Variants in NLGN4Y observed in about 807,000 individuals in gnomAD.
NLGN4Y encodes neuroligin-4, Y-linked.
Under a neutral mutation model 8.4 loss-of-function variants are expected in NLGN4Y, and 4 were observed. The observed-to-expected ratio is 0.48, with a 90% CI of 0.23 to 1.09. The LOEUF (loss-of-function observed/expected upper bound fraction) is 1.09. Among genes scored for constraint, NLGN4Y ranks in the 50% least tolerant of loss-of-function variants. NLGN4Y has a pLI of 0.19. For synonymous variants in NLGN4Y, 35 were observed against 75.6 expected (o/e 0.46, Z 2.78); for missense variants, 90 against 192.3 (o/e 0.47, Z 3.15).
At chrY:14,662,635 G>T in intron 2 of NLGN4Y, among the ~76,000 whole-genome samples, 1 of 33,064 alleles carries the variant, frequency 3.0e-5, no homozygotes, top group South Asian at 7.0e-4. Context: ...CATTCATGAA[G>T]CTCCATAGTT....
chrY:14,735,238 T>C, intron 4 of NLGN4Y, among the ~76,000 whole-genome samples: 1 of 34,229 alleles, frequency 2.9e-5, no homozygotes, highest in Non-Finnish European at 7.3e-5. Flanking sequence ...GGTTTGGCTG[T>C]GTCGCTACTC....
At position 14,607,992 on chromosome Y, in the gene NLGN4Y, G is replaced by A. The variant is rs770600319; in HGVS notation, c.-111-14017G>A. Among the ~76,000 whole-genome samples, 62 of 33,880 alleles carry A rather than the reference G, an allele frequency of 1.8e-3. No individual in the cohort carries two copies. In the East Asian group the frequency reaches 0.042, roughly 23 times the overall value. The allele number at this position is 33,880 out of a possible 37,273, so 90.9% of individuals were successfully genotyped here. The stretch of plus-strand genomic sequence containing the variant: ...GACCAGTGATGATAAGCTTTTTTTC[G>A]TATGTTTGTTGACTGCACAAATGTC... On this transcript the variant is annotated intron_variant, in intron 1 of 6. Transcript: ENST00000684976.
intron 2 of NLGN4Y, among the ~76,000 whole-genome samples, chrY:14,653,264 G>A (rs1037050356): frequency 6.4e-5 from 2 of 31,307 alleles, no homozygotes; most frequent in Admixed American, 2.9e-4. Flanking sequence ...GTGTGTGTGT[G>A]TATATATATA....
At chrY:14,833,426 C>A in intron 6 of NLGN4Y, among the ~76,000 whole-genome samples, 3 of 33,718 alleles carry the variant, frequency 8.9e-5, no homozygotes, top group African/African-American at 3.5e-4. Flanking sequence ...GAAATCTTTA[C>A]AATTTATGTT....
intron 2 of NLGN4Y, among the ~76,000 whole-genome samples, chrY:14,669,314 A>G (rs2080702550): frequency 3.0e-5 from 1 of 33,544 alleles, no homozygotes; most frequent in Admixed American, 2.7e-4. Flanking sequence ...GACACAACGA[A>G]CATAACTGAA....
chrY:14,748,932 GAAAGAAA>G (rs2081033302), intron 4 of NLGN4Y, among the ~76,000 whole-genome samples: 1 of 6,545 alleles, frequency 1.5e-4, no homozygotes, highest in Non-Finnish European at 2.8e-4. Context: ...AAGAAAGAAA[GAAAGAAA>G]AAAAGAAAAA....
At chrY:14,621,607 T>C in intron 1 of NLGN4Y, among the ~76,000 whole-genome samples, 1 of 33,034 alleles carries the variant, frequency 3.0e-5, no homozygotes, top group Non-Finnish European at 7.4e-5. Flanking sequence ...GGAGGATCTC[T>C]TTAGGCCAGC....
chrY:14,691,904 T>A, intron 2 of NLGN4Y, among the ~76,000 whole-genome samples: 1 of 33,366 alleles, frequency 3.0e-5, no homozygotes, highest in Non-Finnish European at 7.5e-5. Flanking sequence ...ATTTATATAG[T>A]CTCTGAGTAA....
At chrY:14,596,370 G>C (rs2080397643) in intron 1 of NLGN4Y, among the ~76,000 whole-genome samples, 1 of 33,656 alleles carries the variant, frequency 3.0e-5, no homozygotes, top group Non-Finnish European at 7.3e-5. Context: ...CCAGAGGCAG[G>C]TAGCAATTTT....
At chrY:14,735,241 C>T in intron 4 of NLGN4Y, among the ~76,000 whole-genome samples, 2 of 34,030 alleles carry the variant, frequency 5.9e-5, no homozygotes, top group African/African-American at 1.1e-4. Context: ...TTGGCTGTGT[C>T]GCTACTCAGA....
intron 1 of NLGN4Y, among the ~76,000 whole-genome samples, chrY:14,534,768 C>CGTGTGT (rs112527610): frequency 5.2e-3 from 104 of 20,143 alleles, no homozygotes; most frequent in East Asian, 0.015. Flanking sequence ...TTTTATCTCT[C>CGTGTGT]GTGTGTGTGT....
chrY:14,727,814 T>C, intron 4 of NLGN4Y, among the ~76,000 whole-genome samples: 1 of 33,516 alleles, frequency 3.0e-5, no homozygotes, highest in Non-Finnish European at 7.4e-5. Context: ...AAGTGGTGTA[T>C]GTCTTCATAC....
At chrY:14,578,952 C>T in intron 1 of NLGN4Y, among the ~76,000 whole-genome samples, 2 of 34,226 alleles carry the variant, frequency 5.8e-5, no homozygotes, top group Non-Finnish European at 7.3e-5. Flanking sequence ...AGAGTCAAAG[C>T]ATTTACGCTG....
intron 4 of NLGN4Y, among the ~76,000 whole-genome samples, chrY:14,726,053 A>G (rs2080954494): frequency 3.0e-5 from 1 of 33,298 alleles, no homozygotes; most frequent in African/African-American, 1.2e-4. Flanking sequence ...ACCTAGGTGT[A>G]TAAAAACGAT....
At chrY:14,662,092 T>C in intron 2 of NLGN4Y, among the ~76,000 whole-genome samples, 1 of 34,066 alleles carries the variant, frequency 2.9e-5, no homozygotes, top group Non-Finnish European at 7.3e-5. Flanking sequence ...CAAGAGTGCT[T>C]AAGTTTTTTC....
intron 1 of NLGN4Y, among the ~76,000 whole-genome samples, chrY:14,565,107 T>C (rs1044917810): frequency 6.2e-5 from 2 of 32,106 alleles, no homozygotes; most frequent in African/African-American, 2.4e-4. Flanking sequence ...CCAGGATGCC[T>C]CTCCTCCTCC....
intron 2 of NLGN4Y, among the ~76,000 whole-genome samples, chrY:14,632,660 C>T: frequency 3.0e-5 from 1 of 33,876 alleles, no homozygotes; most frequent in African/African-American, 1.2e-4. Context: ...TATTAAATTA[C>T]TCCAGTTTTC....
intron 2 of NLGN4Y, among the ~76,000 whole-genome samples, chrY:14,681,111 C>A (rs2080767563): frequency 6.0e-5 from 2 of 33,389 alleles, no homozygotes; most frequent in Non-Finnish European, 1.5e-4. Flanking sequence ...AAGAACCAAC[C>A]CAATTCCCTT....
intron 1 of NLGN4Y, among the ~76,000 whole-genome samples, chrY:14,610,971 GA>G (rs2080465723): frequency 3.0e-5 from 1 of 32,859 alleles, no homozygotes; most frequent in African/African-American, 1.2e-4. Context: ...ACCATTATTT[GA>G]TGCCCTTCTT....
Sources: allele counts gnomAD v4.1 joint callset (sites outside exome capture counted in the v4.1 genomes callset), GRCh38; gene constraint gnomAD v4.1.1; transcripts MANE v1.5; gene names NCBI Gene and HGNC (gene_info 2026-07-23, HGNC 2026-07-21).